Variants in SUGCT observed in about 807,000 individuals in gnomAD.
SUGCT encodes the protein succinyl-CoA:glutarate-CoA transferase, also known as succinyl-CoA:glutarate CoA-transferase.
In SUGCT, 41 loss-of-function variants were observed where a neutral mutation model predicts 55.0. That is an observed-to-expected ratio of 0.74 (90% CI 0.58 to 0.97). The LOEUF is 0.97. Ranked by LOEUF, SUGCT falls within the 50% of genes least tolerant of loss-of-function variation. SUGCT has a pLI of 0.00. For synonymous variants in SUGCT, 187 were observed against 200.4 expected, an observed-to-expected ratio of 0.93 and a Z score of 0.56; for missense variants, 568 against 547.8, an observed-to-expected ratio of 1.04 and a Z score of -0.37.
At chr7:40,970,489 C>G in the SUGCT span, among the ~76,000 whole-genome samples, 1 of 152,120 alleles carries the variant, frequency 6.6e-6, no homozygotes, top group African/African-American at 2.4e-5. Context: ...ATGGTTTTAA[C>G]TATGTATTTT....
In SUGCT at chr7:40,651,710, C is replaced by T. The variant is rs1299590614; in HGVS notation, c.1090-97724C>T. Among the ~76,000 whole-genome samples the T allele has an allele frequency of 2.0e-5, 3 of 152,098 alleles. No homozygotes were observed. The East Asian group carries it at 5.8e-4, about 29-fold the overall frequency. ...CATTCTTTTCTTCAGAAACATCATT[C>T]AGCCTCAACTTGGTTTTATGGGTTT... is the stretch of plus-strand genomic sequence containing the variant. On this transcript the variant is annotated intron_variant, in intron 12 of 13. Coordinates refer to ENST00000335693, the MANE Select transcript of SUGCT (RefSeq NM_001193313.2).
intron 12 of SUGCT, among the ~76,000 whole-genome samples, chr7:40,651,160 T>C (rs908767350): frequency 2.0e-5 from 3 of 152,196 alleles, no homozygotes; most frequent in African/African-American, 7.2e-5. Context: ...TTTGCTATTG[T>C]GAATAGTGCT....
At chr7:40,670,187 A>G (rs886618608) in intron 12 of SUGCT, among the ~76,000 whole-genome samples, 2 of 149,708 alleles carry the variant, frequency 1.3e-5, no homozygotes, top group African/African-American at 4.9e-5. Flanking sequence ...AAAAAAAAAA[A>G]AAAAAAGAAG....
intron 11 of SUGCT, among the ~76,000 whole-genome samples, chr7:40,493,127 C>T (rs764244071): frequency 3.3e-5 from 5 of 152,104 alleles, no homozygotes; most frequent in Non-Finnish European, 7.4e-5. Context: ...GTGTATTCTG[C>T]TACAGTCATT....
At chr7:40,915,102 A>ATATCTTG in the SUGCT span, among the ~76,000 whole-genome samples, 2 of 152,220 alleles carry the variant, frequency 1.3e-5, no homozygotes, top group Non-Finnish European at 2.9e-5. Flanking sequence ...ACTGCTGAGC[A>ATATCTTG]TATCTTGTTC....
intron 12 of SUGCT, among the ~76,000 whole-genome samples, chr7:40,508,380 A>T (rs986827970): frequency 6.6e-6 from 1 of 152,230 alleles, no homozygotes; most frequent in Admixed American, 6.5e-5. Context: ...ATGTCTGCCT[A>T]GAATATAGCT....
At chr7:40,438,335 C>T (rs909219647) in intron 9 of SUGCT, among the ~76,000 whole-genome samples, 2 of 152,114 alleles carry the variant, frequency 1.3e-5, no homozygotes, top group African/African-American at 4.8e-5. Flanking sequence ...CCTTTTGTGT[C>T]TCCTAGTTTG....
At chr7:40,536,535 A>G (rs1487436889) in intron 12 of SUGCT, among the ~76,000 whole-genome samples, 1 of 152,244 alleles carries the variant, frequency 6.6e-6, no homozygotes, top group East Asian at 1.9e-4. Context: ...ATGGCTGTTT[A>G]CAATTGGATG....
chr7:40,967,824 G>A, the SUGCT span, among the ~76,000 whole-genome samples: 5 of 152,068 alleles, frequency 3.3e-5, no homozygotes, highest in African/African-American at 9.6e-5. Context: ...GGGTTTCACC[G>A]CGTTAGCCAG....
intron 8 of SUGCT, among the ~76,000 whole-genome samples, chr7:40,300,075 T>C (rs1162341618): frequency 6.6e-6 from 1 of 152,190 alleles, no homozygotes; most frequent in African/African-American, 2.4e-5. Flanking sequence ...AATTATAAAA[T>C]TGTTGTATAG....
intron 12 of SUGCT, among the ~76,000 whole-genome samples, chr7:40,659,872 C>T (rs1258408890): frequency 1.3e-5 from 2 of 152,176 alleles, no homozygotes; most frequent in South Asian, 2.1e-4. Flanking sequence ...GTACACTACA[C>T]TGTGAGTGGG....
the SUGCT span, among the ~76,000 whole-genome samples, chr7:41,009,014 A>G: frequency 6.6e-6 from 1 of 152,124 alleles, no homozygotes; most frequent in African/African-American, 2.4e-5. Context: ...AAAAAGGGAC[A>G]TGGCTTAAAA....
chr7:40,455,675 A>T (rs1789445926), intron 10 of SUGCT, among the ~76,000 whole-genome samples: 1 of 152,240 alleles, frequency 6.6e-6, no homozygotes, highest in African/African-American at 2.4e-5. Flanking sequence ...ATTTGTTGAG[A>T]AATTGTGAAA....
At chr7:40,606,018 C>A (rs541902306) in intron 12 of SUGCT, among the ~76,000 whole-genome samples, 4 of 152,108 alleles carry the variant, frequency 2.6e-5, no homozygotes, top group Admixed American at 1.3e-4. Flanking sequence ...GAAGGCAAGT[C>A]GTTGAACGAC....
At chr7:40,937,481 T>C in the SUGCT span, among the ~76,000 whole-genome samples, 2 of 152,230 alleles carry the variant, frequency 1.3e-5, no homozygotes, top group Non-Finnish European at 2.9e-5. Flanking sequence ...CTAGTCATTA[T>C]TGGAAGTGTT....
chr7:40,566,535 A>G (rs1796161932), intron 12 of SUGCT, among the ~76,000 whole-genome samples: 1 of 152,238 alleles, frequency 6.6e-6, no homozygotes, highest in African/African-American at 2.4e-5. Context: ...CAGAGCTAAA[A>G]AAAGAAAGCT....
intron 7 of SUGCT, among the ~76,000 whole-genome samples, chr7:40,262,194 CA>C (rs2150964476): frequency 6.6e-6 from 1 of 152,152 alleles, no homozygotes; most frequent in East Asian, 1.9e-4. Context: ...TTGATTCTTT[CA>C]ATTATTTTCT....
At chr7:40,912,086 A>G in the SUGCT span, among the ~76,000 whole-genome samples, 5 of 152,140 alleles carry the variant, frequency 3.3e-5, no homozygotes, top group Admixed American at 2.6e-4. Flanking sequence ...ATTGAGGAAT[A>G]GAGGATGCTT....
At chr7:40,907,096 A>AGTGTGT in the SUGCT span, among the ~76,000 whole-genome samples, 125 of 101,726 alleles carry the variant, frequency 1.2e-3, no homozygotes, top group Non-Finnish European at 1.5e-3. Flanking sequence ...TTGTTCTGAT[A>AGTGTGT]GTGTGTGTGT....
Sources: gnomAD v4.1 joint callset for allele counts (sites outside exome capture counted in the v4.1 genomes callset) on GRCh38, gnomAD v4.1.1 for gene constraint, MANE v1.5 for transcripts, NCBI Gene and HGNC (gene_info 2026-07-23, HGNC 2026-07-21) for gene names.